CLMP: variants seen among roughly 807,000 people sequenced by gnomAD.
CLMP encodes CXADR-like membrane protein.
Under a neutral mutation model 45.2 loss-of-function variants are expected in CLMP, and 27 were observed. That is an observed-to-expected ratio of 0.60 (90% CI 0.44 to 0.82). The LOEUF (loss-of-function observed/expected upper bound fraction) is 0.82. CLMP is among the 40% of genes least tolerant of loss of function. The pLI, the probability that CLMP is intolerant of heterozygous loss-of-function variation, is 0.00. For missense variants in CLMP, 403 were observed against 448.4 expected (o/e 0.90, Z 0.91); for synonymous variants, 167 against 171.4 (o/e 0.97, Z 0.20).
At chr11:123,078,373 A>C (rs1865763915) in intron 5 of CLMP, among the ~76,000 whole-genome samples, 1 of 152,236 alleles carries the variant, frequency 6.6e-6, no homozygotes, top group Non-Finnish European at 1.5e-5. Context: ...GATTCTGTTT[A>C]TTTAAAGTTT....
chr11:123,154,182 C>T (rs75986508), intron 1 of CLMP, among the ~76,000 whole-genome samples: 9,990 of 152,206 alleles, frequency 0.066, 363 homozygotes, highest in African/African-American at 0.089. Flanking sequence ...AATGCCAAAC[C>T]GTGCCCTCTC....
chr11:123,166,273 T>G lies in CLMP; in HGVS notation c.28+28640A>C, dbSNP rs543496831. On this transcript the variant is annotated intron_variant, in intron 1 of 6. Coordinates refer to ENST00000448775, the MANE Select transcript of CLMP (RefSeq NM_024769.5). ...GTGGGCATCCCTACATCCAGGTGCC[T>G]CTTCTCCAGCCTTATCTCTTTCGCC... 2.0e-5 allele frequency among the ~76,000 whole-genome samples: 3 copies of G among 152,042 alleles called. No homozygotes were observed. In the East Asian group the frequency reaches 5.8e-4, roughly 29 times the overall value.
chr11:123,182,131 C>A (rs1160608333), intron 1 of CLMP, among the ~76,000 whole-genome samples: 1 of 152,184 alleles, frequency 6.6e-6, no homozygotes, highest in Non-Finnish European at 1.5e-5. Flanking sequence ...ACACTCAGCA[C>A]CCATTTAAAA....
chr11:123,108,990 C>T (rs1860599233), intron 1 of CLMP, among the ~76,000 whole-genome samples: 1 of 140,720 alleles, frequency 7.1e-6, no homozygotes, highest in Non-Finnish European at 1.5e-5. Context: ...ACCCAGGAGG[C>T]GGAGGTTGCA....
intron 1 of CLMP, among the ~76,000 whole-genome samples, chr11:123,150,483 G>GAAAGAAAGAAAGAAA (rs1491432736): frequency 1.1e-5 from 1 of 92,316 alleles, no homozygotes; most frequent in African/African-American, 4.7e-5. Flanking sequence ...AAGAAAGAAA[G>GAAAGAAAGAAAGAAA]GAAGGAAGGA....
chr11:123,178,052 G>A (rs1861722114), intron 1 of CLMP, among the ~76,000 whole-genome samples: 1 of 151,986 alleles, frequency 6.6e-6, no homozygotes, highest in Non-Finnish European at 1.5e-5. Flanking sequence ...TTTTAGTAGA[G>A]ATGGGTGTCA....
chr11:123,073,313 T>C lies in CLMP; in HGVS notation c.*161A>G, dbSNP rs2135459173. The C allele has an allele frequency of 1.3e-6, 1 of 770,182 alleles. No homozygotes were observed. The highest frequency in any genetic ancestry group is 2.1e-6 in the Non-Finnish European group (1 of 485,346). 47.7% of individuals were successfully genotyped at this position (770,182 alleles called of 1,614,324 possible). On this transcript the variant is annotated 3_prime_UTR_variant, in exon 7 of 7. Coordinates refer to ENST00000448775, the MANE Select transcript of CLMP (RefSeq NM_024769.5). ...TTACATCCTTTTGCTTGTTTGGTAT[T>C]GTATAAGGAAAATGCTCATCTGAAT...
chr11:123,174,105 C>T (rs1450532577), intron 1 of CLMP, among the ~76,000 whole-genome samples: 2 of 151,950 alleles, frequency 1.3e-5, no homozygotes, highest in Admixed American at 6.6e-5. Flanking sequence ...TTTAATAAAA[C>T]AAAAAATAAA....
chr11:123,166,057 T>C lies in CLMP; in HGVS notation c.28+28856A>G, dbSNP rs371257872. Among the ~76,000 whole-genome samples the C allele has an allele frequency of 4.6e-5, 7 of 152,234 alleles. No homozygotes were observed. The South Asian group carries it at 1.4e-3, about 32-fold the overall frequency. ...CTGAATTCTCTACTACAAAGCCATA[T>C]GGACTCATCCTACATCAAAATGCCA... On this transcript the variant is annotated intron_variant, in intron 1 of 6. Coordinates refer to ENST00000448775, the MANE Select transcript of CLMP (RefSeq NM_024769.5).
At chr11:123,127,311 G>A (rs1860909466) in intron 1 of CLMP, among the ~76,000 whole-genome samples, 3 of 152,010 alleles carry the variant, frequency 2.0e-5, no homozygotes, top group South Asian at 4.2e-4. Flanking sequence ...TAGTAGAGAC[G>A]GGGTTTCACC....
chr11:123,104,960 A>G (rs1029647380), intron 1 of CLMP, among the ~76,000 whole-genome samples: 3 of 152,236 alleles, frequency 2.0e-5, no homozygotes, highest in African/African-American at 7.2e-5. Context: ...ATTCTGTTGC[A>G]GCATTTACCT....
chr11:123,169,849 G>C (rs140050701), intron 1 of CLMP, among the ~76,000 whole-genome samples: 2 of 152,178 alleles, frequency 1.3e-5, no homozygotes. Flanking sequence ...TTTGTGGGCG[G>C]TGCCTCCAAG....
chr11:123,177,270 T>G (rs1861711322), intron 1 of CLMP, among the ~76,000 whole-genome samples: 1 of 152,070 alleles, frequency 6.6e-6, no homozygotes, highest in South Asian at 2.1e-4. Flanking sequence ...AGTGTGTATT[T>G]GGGAGGTGCG....
chr11:123,163,049 T>G (rs1591483035), intron 1 of CLMP, among the ~76,000 whole-genome samples: 1 of 150,172 alleles, frequency 6.7e-6, no homozygotes, highest in Non-Finnish European at 1.5e-5. Context: ...AGGGAGAGGG[T>G]TTGGGGGCTG....
intron 2 of CLMP, among the ~76,000 whole-genome samples, chr11:123,094,872 G>A (rs1203310986): frequency 6.6e-6 from 1 of 152,152 alleles, no homozygotes; most frequent in Non-Finnish European, 1.5e-5. Flanking sequence ...CTGGGTTCAA[G>A]CAATCTACCC....
In CLMP at chr11:123,084,543, G is replaced by A. The variant is rs546517283; in HGVS notation, c.357C>T (p.Tyr119=). ...CTTTTAAGATGACATGGCTCCACACGTAGCGCCCTGAATTCTTAACCTTAC... is the reference window on the plus strand; with the variant it reads ...CTTTTAAGATGACATGGCTCCACACATAGCGCCCTGAATTCTTAACCTTAC... ...YTCKVKNSGR[Y]VWSHVILKVL... is the part of the protein sequence containing the mutation. Residue 119 remains tyrosine, a synonymous_variant, in exon 3 of 7, where the codon TAC becomes TAT. Coordinates refer to ENST00000448775, the MANE Select transcript of CLMP (RefSeq NM_024769.5). 2.2e-5 allele frequency: 35 copies of A among 1,614,092 alleles called. No homozygotes were observed. The highest frequency in any genetic ancestry group is 2.0e-4 in the East Asian group (9 of 44,884).
intron 1 of CLMP, among the ~76,000 whole-genome samples, chr11:123,143,419 A>T (rs959423787): frequency 6.6e-6 from 1 of 151,954 alleles, no homozygotes; most frequent in African/African-American, 2.4e-5. Context: ...TGTCAATTCC[A>T]TGATTATGTT....
intron 1 of CLMP, among the ~76,000 whole-genome samples, chr11:123,124,875 A>C (rs1860866465): frequency 6.6e-6 from 1 of 152,196 alleles, no homozygotes; most frequent in Non-Finnish European, 1.5e-5. Flanking sequence ...AAATATATAC[A>C]TATGGAGTGG....
At chr11:123,074,958 TG>T (rs371735722) in intron 5 of CLMP, 115 bp from the exon 6 acceptor site, 20 of 1,258,142 alleles carry the variant, frequency 1.6e-5, no homozygotes, top group African/African-American at 4.8e-5. Context: ...TTGTTTGTTT[TG>T]TTTTTTTTTT....
Sources: allele counts gnomAD v4.1 joint callset (sites outside exome capture counted in the v4.1 genomes callset), GRCh38; gene constraint gnomAD v4.1.1; transcripts MANE v1.5; gene names NCBI Gene and HGNC (gene_info 2026-07-23, HGNC 2026-07-21).